The following ZNF331 variants were observed in gnomAD, a reference collection of about 807,000 sequenced individuals.
ZNF331 encodes the protein C2H2-like zinc finger protein rearranged in thyroid adenomas.
ZNF331 carries 2 observed loss-of-function variants against 7.0 expected under a neutral mutation model. The observed-to-expected ratio is 0.29, with a 90% CI of 0.12 to 0.90. The LOEUF (loss-of-function observed/expected upper bound fraction) is 0.90, where lower values mean the gene tolerates loss of function less well. Among genes scored for constraint, ZNF331 ranks in the 40% least tolerant of loss-of-function variants. The probability of loss-of-function intolerance (pLI) is 0.58; values close to 1 mark genes in which losing one functional copy is unlikely to be tolerated. For missense variants in ZNF331, 432 were observed against 587.7 expected (o/e 0.74, Z 2.74); for synonymous variants, 196 against 205.4 (o/e 0.95, Z 0.39).
At chr19:53,534,025 A>G (rs73049591), upstream of ZNF331, among the ~76,000 whole-genome samples, 11,039 of 152,326 alleles carry the variant, frequency 0.072, 530 homozygotes, top group Non-Finnish European at 0.11. Flanking sequence ...AAAATATGCC[A>G]GGCATGGTGG....
At chr19:53,523,490 A>G (rs956429453) in intron 2 of ZNF331, 2 of 152,198 alleles carry the variant, frequency 1.3e-5, no homozygotes, top group African/African-American at 2.4e-5. Context: ...AAGTCCTGGG[A>G]TTACAGGTGT....
the ZNF331 span, among the ~76,000 whole-genome samples, chr19:53,504,680 C>T: frequency 6.6e-6 from 1 of 152,166 alleles, no homozygotes; most frequent in Non-Finnish European, 1.5e-5. Flanking sequence ...TTTCTCAGAT[C>T]CAGAAATCTC....
chr19:53,534,584 C>G (rs1037704583), upstream of ZNF331, among the ~76,000 whole-genome samples: 4 of 152,266 alleles, frequency 2.6e-5, no homozygotes, highest in East Asian at 7.7e-4. Context: ...CTGCGTCCAG[C>G]CCTATCCTAC....
chr19:53,569,421 A>G, intron 4 of ZNF331, 36 bp downstream of exon 4: 1 of 1,612,610 alleles, frequency 6.2e-7, no homozygotes, highest in Non-Finnish European at 8.5e-7. Flanking sequence ...TTGAGCTATG[A>G]TATTTGCGTT....
chr19:53,567,142 T>C (rs2090195715), intron 3 of ZNF331, among the ~76,000 whole-genome samples: 1 of 152,204 alleles, frequency 6.6e-6, no homozygotes, highest in Non-Finnish European at 1.5e-5. Flanking sequence ...AATCATTTAC[T>C]ATTTTACTTT....
In ZNF331 at chr19:53,577,208, A is replaced by G; in HGVS notation, c.648A>G (p.Glu216=). The G allele has an allele frequency of 6.2e-7, 1 of 1,613,736 alleles. No homozygotes were observed. The highest frequency in any genetic ancestry group is 8.5e-7 in the Non-Finnish European group (1 of 1,179,942). Residue 216 remains glutamate (E), a synonymous_variant, in exon 6 of 6, where the codon GAA becomes GAG. Coordinates refer to ENST00000449416, the MANE Select transcript of ZNF331 (RefSeq NM_001079906.2). ...TTCATACTGGTGAAAAACCCTATGAATGTAAAGACTGTGGAAAGGCCTTTC... is the reference window on the plus strand; with the variant it reads ...TTCATACTGGTGAAAAACCCTATGAGTGTAAAGACTGTGGAAAGGCCTTTC... ...KRIHTGEKPY[E]CKDCGKAFRR... is the part of the protein sequence containing the mutation.
chr19:53,504,558 C>G, the ZNF331 span, among the ~76,000 whole-genome samples: 2 of 152,090 alleles, frequency 1.3e-5, no homozygotes, highest in African/African-American at 2.4e-5. Flanking sequence ...AAGAAAGTGA[C>G]GGTGCACAAA....
chr19:53,560,010 GCA>G lies in ZNF331; in HGVS notation c.-74+4110_-74+4111del, dbSNP rs201140701. ...ACACCATATATACACACACATATAC[GCA>G]CACACACCCCATACACATGCATACC... On this transcript the variant is annotated intron_variant, in intron 3 of 5. Coordinates refer to ENST00000449416, the MANE Select transcript of ZNF331 (RefSeq NM_001079906.2). This position sits in a 1 kb window ranked among gnomAD's most constrained non-coding sequence, Gnocchi z 4.3. Among the ~76,000 whole-genome samples the G allele has an allele frequency of 2.6e-5, 3 of 116,096 alleles. No homozygotes were observed. The highest frequency in any genetic ancestry group is 3.6e-5 in the Non-Finnish European group (2 of 54,808). 76.2% of individuals were successfully genotyped at this position (116,096 alleles called of 152,430 possible).
chr19:53,506,452 C>G, the ZNF331 span, among the ~76,000 whole-genome samples: 7,663 of 90,290 alleles, frequency 0.085, 291 homozygotes, highest in South Asian at 0.1. Context: ...CTGTCTCTCT[C>G]TCTCTCTCTC....
upstream of ZNF331, among the ~76,000 whole-genome samples, chr19:53,535,346 C>A (rs2087706332): frequency 6.6e-6 from 1 of 152,138 alleles, no homozygotes; most frequent in Non-Finnish European, 1.5e-5. Context: ...CCTGCCTTGG[C>A]CTCTCAAAGT....
chr19:53,522,094 A>G (rs8100462), intron 1 of ZNF331: 58,780 of 151,868 alleles, frequency 0.39, 11,588 homozygotes, highest in South Asian at 0.48. Context: ...GGTACCTGAC[A>G]TGGGAGGCGG....
rs2087985003 is a variant in ZNF331, at chr19:53,539,523, A to G, written c.-138+241A>G. 6.6e-6 allele frequency: 1 copy of G among 152,222 alleles called. No individual in the cohort carries two copies. The highest frequency in any genetic ancestry group is 2.4e-5 in the African/African-American group (1 of 41,442). The allele number at this position is 152,222 out of a possible 1,614,324, so 9.4% of individuals were successfully genotyped here. A position where few individuals can be genotyped will look rare whatever the true frequency, so the allele number is the denominator to read the frequency against. ...TTGTGCTAAGTCTGGATGTCTGTACATCAGGAGCAACGTACATATGAAGGT... is the reference window on the plus strand; with the variant it reads ...TTGTGCTAAGTCTGGATGTCTGTACGTCAGGAGCAACGTACATATGAAGGT... On this transcript the variant is annotated intron_variant, in intron 2 of 5. Transcript: ENST00000449416. This position sits in a 1 kb window ranked among gnomAD's most constrained non-coding sequence, Gnocchi z 6.1.
upstream of ZNF331, among the ~76,000 whole-genome samples, chr19:53,514,800 G>A (rs1400888111): frequency 6.6e-6 from 1 of 151,794 alleles, no homozygotes; most frequent in Non-Finnish European, 1.5e-5. Context: ...ACAGAAGCCC[G>A]CCACCACGCC....
chr19:53,551,566 A>T (rs2089010894), intron 2 of ZNF331, among the ~76,000 whole-genome samples: 1 of 152,164 alleles, frequency 6.6e-6, no homozygotes, highest in Non-Finnish European at 1.5e-5. Flanking sequence ...AACTAATCCC[A>T]TGGCAACAAA....
chr19:53,521,255 A>G (rs1600181496), exon 1 of ZNF331: 1 of 152,466 alleles, frequency 6.6e-6, no homozygotes, highest in Non-Finnish European at 1.5e-5. Context: ...GCCACTCGGG[A>G]CGCGGAGGCC....
rs138584730 is a variant in ZNF331, at chr19:53,571,412, A to G, written c.10-192A>G. 6.6e-5 allele frequency among the ~76,000 whole-genome samples: 10 copies of G among 152,218 alleles called. No individual in the cohort carries two copies. In the East Asian group the frequency reaches 1.9e-3, roughly 29 times the overall value. Reference sequence around the variant, plus strand: ...GTAAAGTCATTTTCTCTGCAGCGGTAGAGCTCTTCAGTGACATGCAGGCAT... The same window carrying G: ...GTAAAGTCATTTTCTCTGCAGCGGTGGAGCTCTTCAGTGACATGCAGGCAT... On this transcript the variant is annotated intron_variant, in intron 4 of 5. Transcript: ENST00000449416. This position sits in a 1 kb window ranked among gnomAD's most constrained non-coding sequence, Gnocchi z 4.7.
chr19:53,571,619 G>A lies in ZNF331; in HGVS notation c.25G>A (p.Ala9Thr), dbSNP rs769694007. The change falls in exon 5 of 6, where the codon GCC becomes ACC. Residue 9 changes from alanine to threonine, a missense_variant. Physicochemically the swap from Ala to Thr is moderately conservative, Grantham distance 58. Coordinates refer to ENST00000449416, the MANE Select transcript of ZNF331 (RefSeq NM_001079906.2). The surrounding 1 kb of genome is among the most constrained non-coding windows in gnomAD (Gnocchi z 4.7). MAQGLVTFADVAIDFSQEE... is the reference protein window; with the variant it reads MAQGLVTFTDVAIDFSQEE... The stretch of plus-strand genomic sequence containing the variant: ...TCTGTTTCAGGGTTTGGTGACGTTC[G>A]CCGACGTAGCCATAGACTTTTCTCA... 9 of 1,613,852 alleles carry A rather than the reference G, an allele frequency of 5.6e-6. No individual in the cohort carries two copies. The highest frequency in any genetic ancestry group is 6.8e-6 in the Non-Finnish European group (8 of 1,180,000).
At chr19:53,520,150 C>A (rs1041237621), upstream of ZNF331, among the ~76,000 whole-genome samples, 5 of 151,870 alleles carry the variant, frequency 3.3e-5, no homozygotes, top group African/African-American at 1.2e-4. Flanking sequence ...TGGGTTCAAG[C>A]GATTCTCTTC....
At chr19:53,557,055 A>G (rs912821405) in intron 3 of ZNF331, among the ~76,000 whole-genome samples, 1 of 147,770 alleles carries the variant, frequency 6.8e-6, no homozygotes. Context: ...CCTGAGCTCA[A>G]GCAATCTGCT....
Sources: gnomAD v4.1 joint callset for allele counts (sites outside exome capture counted in the v4.1 genomes callset) on GRCh38, gnomAD v4.1.1 for gene constraint, Gnocchi (gnomAD v3.1) non-coding constraint, MANE v1.5 for transcripts, NCBI Gene and HGNC (gene_info 2026-07-23, HGNC 2026-07-21) for gene names.